NAALADL2: variants seen among roughly 807,000 people sequenced by gnomAD.
The protein encoded by NAALADL2 is N-acetylated alpha-linked acidic dipeptidase like 2.
A neutral mutation model predicts 87.2 loss-of-function variants in NAALADL2; 76 were observed. That is an observed-to-expected ratio of 0.87 (90% CI 0.72 to 1.05). The LOEUF (loss-of-function observed/expected upper bound fraction) is 1.05, where lower values mean the gene tolerates loss of function less well. NAALADL2 is among the 50% of genes least tolerant of loss of function. The pLI is 0.00. For missense variants in NAALADL2, 1,089 were observed against 945.8 expected (o/e 1.15, Z -1.99); for synonymous variants, 354 against 331.0 (o/e 1.07, Z -0.75).
At chr3:174,976,286 A>G (rs1047390054) in intron 1 of NAALADL2, among the ~76,000 whole-genome samples, 3 of 152,196 alleles carry the variant, frequency 2.0e-5, no homozygotes, top group Admixed American at 2.0e-4. Context: ...TAAATATTTT[A>G]TGAAGTACTG....
At chr3:175,448,788 C>A (rs1024640974) in intron 6 of NAALADL2, among the ~76,000 whole-genome samples, 1 of 152,174 alleles carries the variant, frequency 6.6e-6, no homozygotes, top group African/African-American at 2.4e-5. Flanking sequence ...TAGCTCACTG[C>A]AGCCTCAAAC....
chr3:174,983,651 T>C (rs2069904179), intron 1 of NAALADL2, among the ~76,000 whole-genome samples: 1 of 152,158 alleles, frequency 6.6e-6, no homozygotes, highest in African/African-American at 2.4e-5. Flanking sequence ...ACCTCTTTTT[T>C]AAGGGCACTA....
chr3:174,442,039 A>G (rs530558305), intron 1 of NAALADL2, among the ~76,000 whole-genome samples: 1 of 152,042 alleles, frequency 6.6e-6, no homozygotes, highest in East Asian at 1.9e-4. Flanking sequence ...ACATCTTGAC[A>G]AACATTAAAA....
chr3:175,006,534 C>T (rs1451069841), intron 1 of NAALADL2, among the ~76,000 whole-genome samples: 2 of 152,176 alleles, frequency 1.3e-5, no homozygotes, highest in Middle Eastern at 6.8e-3. Flanking sequence ...GCTCTTTAAA[C>T]CTACTTCTAA....
chr3:174,811,256 C>G (rs1032265506), intron 3 of NAALADL2, among the ~76,000 whole-genome samples: 4 of 152,118 alleles, frequency 2.6e-5, no homozygotes, highest in Non-Finnish European at 4.4e-5. Context: ...TCCTCCAGAC[C>G]CCAGAATGGT....
intron 12 of NAALADL2, among the ~76,000 whole-genome samples, chr3:175,744,921 TCA>T (rs1032724501): frequency 3.9e-5 from 6 of 152,014 alleles, no homozygotes; most frequent in African/African-American, 1.2e-4. Flanking sequence ...TTATGACAAT[TCA>T]CAGTGATTAC....
At chr3:175,617,608 C>T (rs1490822466) in intron 10 of NAALADL2, among the ~76,000 whole-genome samples, 1 of 152,178 alleles carries the variant, frequency 6.6e-6, no homozygotes, top group South Asian at 2.1e-4. Flanking sequence ...TATTTTCCCT[C>T]TCTTGGGCCT....
chr3:175,588,578 G>A (rs192622282), intron 10 of NAALADL2, among the ~76,000 whole-genome samples: 10 of 112,456 alleles, frequency 8.9e-5, no homozygotes, highest in Non-Finnish European at 1.3e-4. Flanking sequence ...TTGCTCTGTC[G>A]CCGAGGCTGG....
chr3:174,769,521 C>A (rs189579547), intron 3 of NAALADL2, among the ~76,000 whole-genome samples: 2 of 151,630 alleles, frequency 1.3e-5, no homozygotes, highest in African/African-American at 4.8e-5. Flanking sequence ...AGGGAGAAAG[C>A]GTCTGGATTT....
intron 9 of NAALADL2, among the ~76,000 whole-genome samples, chr3:175,571,434 A>T (rs1409591523): frequency 6.6e-6 from 1 of 152,228 alleles, no homozygotes. Context: ...AATAAATTTT[A>T]AAAATTAATT....
intron 3 of NAALADL2, among the ~76,000 whole-genome samples, chr3:174,746,440 C>G (rs568168380): frequency 6.6e-6 from 1 of 152,120 alleles, no homozygotes; most frequent in South Asian, 2.1e-4. Context: ...AGAACACAAA[C>G]AAATGGAAAA....
At chr3:175,262,630 C>T (rs936843630) in intron 4 of NAALADL2, among the ~76,000 whole-genome samples, 12 of 147,734 alleles carry the variant, frequency 8.1e-5, no homozygotes, top group African/African-American at 2.5e-4. Flanking sequence ...TGTATGAGCA[C>T]TGATATGGCC....
intron 2 of NAALADL2, among the ~76,000 whole-genome samples, chr3:174,644,423 G>T (rs904314257): frequency 2.6e-5 from 4 of 152,292 alleles, no homozygotes; most frequent in Admixed American, 6.5e-5. Context: ...CCTACTCATT[G>T]TTTTCATGCT....
chr3:174,483,368 G>A (rs1005775161), intron 1 of NAALADL2, among the ~76,000 whole-genome samples: 2 of 151,878 alleles, frequency 1.3e-5, no homozygotes, highest in Admixed American at 1.3e-4. Flanking sequence ...GAGTGAAGGG[G>A]GAAAGAGTCC....
intron 2 of NAALADL2, among the ~76,000 whole-genome samples, chr3:175,179,121 A>G (rs1014381279): frequency 1.3e-5 from 2 of 152,030 alleles, no homozygotes; most frequent in Non-Finnish European, 2.9e-5. Context: ...ATCCACGAGA[A>G]GTTATTTTAC....
At chr3:174,794,491 C>G (rs1036188322) in intron 3 of NAALADL2, among the ~76,000 whole-genome samples, 1 of 151,896 alleles carries the variant, frequency 6.6e-6, no homozygotes, top group Non-Finnish European at 1.5e-5. Context: ...TTTTTACATC[C>G]ATTGTTATTA....
chr3:174,766,345 A>G (rs549578325), intron 3 of NAALADL2, among the ~76,000 whole-genome samples: 3 of 152,298 alleles, frequency 2.0e-5, no homozygotes, highest in South Asian at 4.1e-4. Context: ...AGCTACTGGC[A>G]TTTTTGATCT....
chr3:174,882,702 T>C (rs1180002803), intron 1 of NAALADL2, among the ~76,000 whole-genome samples: 2 of 133,872 alleles, frequency 1.5e-5, no homozygotes, highest in East Asian at 2.0e-4. Flanking sequence ...TGTATATACA[T>C]GTGTATCTAC....
At chr3:175,428,707 C>G (rs1275601444) in intron 5 of NAALADL2, among the ~76,000 whole-genome samples, 1 of 152,060 alleles carries the variant, frequency 6.6e-6, no homozygotes, top group African/African-American at 2.4e-5. Context: ...TTAATTCTCA[C>G]TGGGACAACT....
Sources: allele counts gnomAD v4.1 joint callset (sites outside exome capture counted in the v4.1 genomes callset), GRCh38; gene constraint gnomAD v4.1.1; transcripts MANE v1.5; gene names NCBI Gene and HGNC (gene_info 2026-07-23, HGNC 2026-07-21).